The following TMEM221 variants were observed in gnomAD, a reference collection of about 807,000 sequenced individuals.
TMEM221 encodes the protein Putative transmembrane protein ENSP00000342162.
In TMEM221, 11 loss-of-function variants were observed where a neutral mutation model predicts 10.2. The observed-to-expected ratio is 1.08, with a 90% CI of 0.68 to 1.79. The LOEUF is 1.79. Ranked by LOEUF, TMEM221 falls within the 40% of genes most tolerant of loss-of-function variation. TMEM221 has a pLI of 0.00. For synonymous variants in TMEM221, 172 were observed against 199.8 expected (o/e 0.86, Z 1.18); for missense variants, 382 against 417.7 (o/e 0.91, Z 0.75).
intron 1 of TMEM221, among the ~76,000 whole-genome samples, chr19:17,446,349 T>C (rs2074953275): frequency 6.6e-6 from 1 of 152,220 alleles, no homozygotes. Context: ...GCTACACACC[T>C]GGCTTCCATT....
Position 17,436,770 on chromosome 19 carries a change from C to G in TMEM221, c.564G>C (p.Pro188=). Residue 188 remains proline, a synonymous_variant, in exon 3 of 3, where the codon CCG becomes CCC. Coordinates refer to ENST00000341130, the MANE Select transcript of TMEM221 (RefSeq NM_001190844.2). ...GGGCGAGGTCGTCTTCAAAGGATGG[C>G]GGGGACAACTCATGGAGCCCACGGC... ...AARRGLHELS[P]PSFEDDLARP... The G allele has an allele frequency of 6.6e-7, 1 of 1,520,118 alleles. No homozygotes were observed. Among genetic ancestry groups the G allele is most frequent in the South Asian group, 1.2e-5 (1 of 81,706 alleles). 94.2% of individuals were successfully genotyped at this position (1,520,118 alleles called of 1,614,324 possible).
At chr19:17,444,225 C>T (rs1204943486) in intron 2 of TMEM221, among the ~76,000 whole-genome samples, 3 of 151,436 alleles carry the variant, frequency 2.0e-5, no homozygotes, top group East Asian at 1.9e-4. Flanking sequence ...ATATTATAGG[C>T]GCCCACCACC....
intron 2 of TMEM221, among the ~76,000 whole-genome samples, chr19:17,442,089 T>C (rs1216214496): frequency 1.3e-5 from 2 of 152,046 alleles, no homozygotes; most frequent in African/African-American, 4.8e-5. Context: ...ATTCCCTAGG[T>C]CTTTAATATT....
intron 1 of TMEM221, among the ~76,000 whole-genome samples, chr19:17,445,885 A>T (rs2074951429): frequency 6.6e-6 from 1 of 151,032 alleles, no homozygotes; most frequent in Non-Finnish European, 1.5e-5. Context: ...CATCGGCCCC[A>T]CCCATTCATC....
rs1458062146 is a variant in TMEM221 at position 17,448,230 on chromosome 19, A to C, written c.233T>G (p.Val78Gly). 8.9e-6 allele frequency: 12 copies of C among 1,349,032 alleles called. No individual in the cohort carries two copies. Among genetic ancestry groups the C allele is most frequent in the Non-Finnish European group, 1.1e-5 (12 of 1,050,812 alleles). The allele number at this position is 1,349,032 out of a possible 1,614,324, so 83.6% of individuals were successfully genotyped here. Residue 78 changes from valine (V) to glycine (G), a missense_variant, in exon 1 of 3, where the codon GTG becomes GGG. Val to Gly is a moderately radical substitution (Grantham distance 109, BLOSUM62 -3). Transcript: ENST00000341130. The surrounding 1 kb of genome is among the most constrained non-coding windows in gnomAD (Gnocchi z 4.7). ...LPLAAALAAL[V>G]LVLGFTCLLL... ...CAAGCAGGTGAACCCCAGCACGAGCACCAGCGCGGCCAGCGCGGCGGCCAG... is the reference window on the plus strand; with the variant it reads ...CAAGCAGGTGAACCCCAGCACGAGCCCCAGCGCGGCCAGCGCGGCGGCCAG...
chr19:17,437,920 CTTCT>C (rs368738655), intron 2 of TMEM221, among the ~76,000 whole-genome samples: 44,139 of 132,834 alleles, frequency 0.33, 6,914 homozygotes, highest in Non-Finnish European at 0.37. Flanking sequence ...TGTTCTTGTT[CTTCT>C]TTTTTTTTTT....
Position 17,439,971 on chromosome 19 carries a change from T to G in TMEM221, c.407-3044A>C, listed in dbSNP as rs190576611. 7.9e-4 allele frequency among the ~76,000 whole-genome samples: 121 copies of G among 152,238 alleles called. 2 individuals are homozygous for G. The highest frequency in any genetic ancestry group is 1.9e-4 in the East Asian group (1 of 5,170). On this transcript the variant is annotated intron_variant, in intron 2 of 2. Transcript: ENST00000341130. The stretch of plus-strand genomic sequence containing the variant: ...TTTGGAAGCCGAGGTGAGAGGTTGC[T>G]TGAGGCCAGGAGTTCGACGCCAGCT...
chr19:17,448,088 C>T lies in TMEM221; in HGVS notation c.320+55G>A. ...GCCAAAAGAGGGGAAGAGGCTCAAC[C>T]AGGCTCACCCAGCCCCCAGCCGGGC... On this transcript the variant is annotated intron_variant, in intron 1 of 2. Transcript: ENST00000341130. The surrounding 1 kb of genome is among the most constrained non-coding windows in gnomAD (Gnocchi z 4.7). 1 of 1,288,720 alleles carries T rather than the reference C, an allele frequency of 7.8e-7. No homozygotes were observed. The highest frequency in any genetic ancestry group is 2.1e-5 in the South Asian group (1 of 48,518). 79.8% of individuals were successfully genotyped at this position (1,288,720 alleles called of 1,614,324 possible). A position where few individuals can be genotyped will look rare whatever the true frequency, so the allele number is the denominator to read the frequency against.
chr19:17,445,369 G>T (rs1435189771), intron 1 of TMEM221, 85 bp from the exon 2 acceptor site: 2 of 1,134,574 alleles, frequency 1.8e-6, no homozygotes, highest in African/African-American at 1.6e-5. Context: ...AGGGAGAGCC[G>T]CTTAAATGAG....
chr19:17,440,588 G>A (rs1285982899), intron 2 of TMEM221, among the ~76,000 whole-genome samples: 1 of 152,166 alleles, frequency 6.6e-6, no homozygotes, highest in Non-Finnish European at 1.5e-5. Context: ...AACTGGGTAT[G>A]GTGGTGTACA....
At chr19:17,437,984 C>T (rs1158022412) in intron 2 of TMEM221, among the ~76,000 whole-genome samples, 6 of 151,002 alleles carry the variant, frequency 4.0e-5, no homozygotes, top group African/African-American at 1.5e-4. Context: ...AGTGGCTCGG[C>T]TACAGCTCAC....
intron 2 of TMEM221, among the ~76,000 whole-genome samples, chr19:17,437,465 C>T (rs769080725): frequency 5.3e-5 from 8 of 152,208 alleles, no homozygotes; most frequent in African/African-American, 1.7e-4. Flanking sequence ...CAGTGGCTCA[C>T]GCCTATAATC....
chr19:17,438,355 T>G (rs944088068), intron 2 of TMEM221, among the ~76,000 whole-genome samples: 2 of 152,090 alleles, frequency 1.3e-5, no homozygotes, highest in African/African-American at 2.4e-5. Flanking sequence ...TCCAAACTGC[T>G]GGGATTACAG....
chr19:17,439,848 G>A (rs1028109070), intron 2 of TMEM221, among the ~76,000 whole-genome samples: 3 of 152,152 alleles, frequency 2.0e-5, no homozygotes, highest in East Asian at 1.9e-4. Flanking sequence ...AGTAGCGATC[G>A]TTGCCTAAGA....
intron 2 of TMEM221, among the ~76,000 whole-genome samples, 154 bp from the exon 3 acceptor site, chr19:17,437,081 C>T (rs914272753): frequency 1.3e-5 from 2 of 152,188 alleles, no homozygotes; most frequent in Non-Finnish European, 2.9e-5. Flanking sequence ...CCCACTCGTG[C>T]ATCATCATCA....
intron 2 of TMEM221, among the ~76,000 whole-genome samples, chr19:17,438,416 G>A (rs1333219630): frequency 6.6e-6 from 1 of 151,856 alleles, no homozygotes; most frequent in Non-Finnish European, 1.5e-5. Flanking sequence ...TAGAAACGGG[G>A]TTTCGCCTTG....
Position 17,448,613 on chromosome 19 carries a change from G to T in TMEM221, c.-151C>A. ...TGAAAGTTCGGGGACTGGGCTGGGG[G>T]TCGCCAGACGGACGGGGGCTCCGGG... is the stretch of plus-strand genomic sequence containing the variant. On this transcript the variant is annotated 5_prime_UTR_variant, in exon 1 of 3. Transcript: ENST00000341130. This position sits in a 1 kb window ranked among gnomAD's most constrained non-coding sequence, Gnocchi z 4.7. 2.1e-6 allele frequency: 1 copy of T among 466,680 alleles called. No homozygotes were observed. The highest frequency in any genetic ancestry group is 3.5e-6 in the Non-Finnish European group (1 of 289,648). 28.9% of individuals were successfully genotyped at this position (466,680 alleles called of 1,614,324 possible). A position where few individuals can be genotyped will look rare whatever the true frequency, so the allele number is the denominator to read the frequency against.
chr19:17,436,728 G>A lies in TMEM221; in HGVS notation c.606C>T (p.Ser202=), dbSNP rs1301210083. 3 of 1,529,228 alleles carry A rather than the reference G, an allele frequency of 2.0e-6. No individual in the cohort carries two copies. The highest frequency in any genetic ancestry group is 2.6e-6 in the Non-Finnish European group (3 of 1,142,610). The allele number at this position is 1,529,228 out of a possible 1,614,324, so 94.7% of individuals were successfully genotyped here. A position where few individuals can be genotyped will look rare whatever the true frequency, so the allele number is the denominator to read the frequency against. ...EDDLARPAEV[S]KASPRAQPQQ... is the part of the protein sequence containing the mutation. ...GAGGCTGAGCTCTGGGGCTGGCCTT[G>A]GAGACTTCGGCAGGGCGGGCGAGGT... The change falls in exon 3 of 3, where the codon TCC becomes TCT. Residue 202 remains serine, a synonymous_variant. Transcript: ENST00000341130.
intron 2 of TMEM221, among the ~76,000 whole-genome samples, chr19:17,441,752 C>T (rs943617207): frequency 2.6e-5 from 4 of 151,512 alleles, no homozygotes; most frequent in African/African-American, 4.9e-5. Flanking sequence ...TGTTTATACG[C>T]GTTCTCTGGC....
Sources: gnomAD v4.1 joint callset for allele counts (sites outside exome capture counted in the v4.1 genomes callset) on GRCh38, gnomAD v4.1.1 for gene constraint, Gnocchi (gnomAD v3.1) non-coding constraint, MANE v1.5 for transcripts, NCBI Gene and HGNC (gene_info 2026-07-23, HGNC 2026-07-21) for gene names.